The following RALYL variants were observed in gnomAD, a reference collection of about 807,000 sequenced individuals.
The protein encoded by RALYL is RALY RNA binding protein like.
Under a neutral mutation model 35.1 loss-of-function variants are expected in RALYL, and 29 were observed. That is an observed-to-expected ratio of 0.83 (90% CI 0.61 to 1.13). The LOEUF (loss-of-function observed/expected upper bound fraction) is 1.13. Ranked by LOEUF, RALYL falls within the 50% of genes most tolerant of loss-of-function variation. The pLI, the probability that RALYL is intolerant of heterozygous loss-of-function variation, is 0.00. For missense variants in RALYL, 359 were observed against 360.4 expected, an observed-to-expected ratio of 1.00 and a Z score of 0.03; for synonymous variants, 120 against 127.6, an observed-to-expected ratio of 0.94 and a Z score of 0.40.
chr8:84,333,885 C>A (rs1234757687), intron 1 of RALYL, among the ~76,000 whole-genome samples: 1 of 151,582 alleles, frequency 6.6e-6, no homozygotes, highest in African/African-American at 2.4e-5. Flanking sequence ...CTTATTTTAA[C>A]TTGTTTTTTT....
At chr8:84,544,700 A>G (rs576644506) in intron 2 of RALYL, among the ~76,000 whole-genome samples, 7 of 152,078 alleles carry the variant, frequency 4.6e-5, no homozygotes, top group Non-Finnish European at 8.8e-5. Flanking sequence ...TAGTAAGAAC[A>G]TATTACATTT....
intron 1 of RALYL, among the ~76,000 whole-genome samples, chr8:84,343,912 C>T (rs759928470): frequency 2.7e-4 from 40 of 150,868 alleles, no homozygotes; most frequent in Admixed American, 3.3e-4. Flanking sequence ...CAATTGAAAA[C>T]GAAACAGAAA....
At chr8:84,396,833 T>C (rs1861850124) in intron 1 of RALYL, among the ~76,000 whole-genome samples, 1 of 152,190 alleles carries the variant, frequency 6.6e-6, no homozygotes, top group Non-Finnish European at 1.5e-5. Context: ...GTTTCTGTTT[T>C]ATAATCAAGG....
At chr8:84,773,691 A>G (rs980816015) in intron 2 of RALYL, among the ~76,000 whole-genome samples, 2 of 152,218 alleles carry the variant, frequency 1.3e-5, no homozygotes, top group African/African-American at 4.8e-5. Context: ...TTGGAATTCA[A>G]TAACTACATA....
intron 2 of RALYL, among the ~76,000 whole-genome samples, chr8:84,553,474 T>C (rs1222870616): frequency 6.6e-6 from 1 of 152,200 alleles, no homozygotes; most frequent in Non-Finnish European, 1.5e-5. Context: ...CTCTTCTTAT[T>C]GACAAGAGTT....
At chr8:84,361,989 T>C (rs1853139798) in intron 1 of RALYL, among the ~76,000 whole-genome samples, 1 of 152,106 alleles carries the variant, frequency 6.6e-6, no homozygotes, top group Admixed American at 6.6e-5. Flanking sequence ...CCCATAATAA[T>C]TCTTATTTTC....
chr8:84,873,076 C>T (rs955155797), intron 6 of RALYL: 3 of 410,452 alleles, frequency 7.3e-6, no homozygotes, highest in African/African-American at 2.0e-5. Context: ...ATTAAACGCT[C>T]ATGTCACTGA....
At chr8:84,491,427 A>G (rs1051485373) in intron 1 of RALYL, among the ~76,000 whole-genome samples, 2 of 152,030 alleles carry the variant, frequency 1.3e-5, no homozygotes, top group African/African-American at 4.8e-5. Flanking sequence ...GGTGGGGTAT[A>G]TTCTCTAGGT....
At chr8:84,344,736 C>A (rs1056020514) in intron 1 of RALYL, among the ~76,000 whole-genome samples, 2 of 152,036 alleles carry the variant, frequency 1.3e-5, no homozygotes, top group African/African-American at 4.8e-5. Flanking sequence ...CACCAATCTA[C>A]CCTCTGCTAC....
intron 1 of RALYL, among the ~76,000 whole-genome samples, chr8:84,516,153 G>A (rs888046784): frequency 3.4e-4 from 51 of 152,124 alleles, no homozygotes; most frequent in African/African-American, 1.2e-3. Flanking sequence ...TTAGATGGTT[G>A]TAAACACATT....
intron 1 of RALYL, among the ~76,000 whole-genome samples, chr8:84,481,909 TATCA>T (rs2054085036): frequency 6.6e-6 from 1 of 152,172 alleles, no homozygotes; most frequent in African/African-American, 2.4e-5. Context: ...TATATACAAT[TATCA>T]ACTCTCATAA....
intron 1 of RALYL, among the ~76,000 whole-genome samples, chr8:84,225,595 A>C (rs532783229): frequency 6.6e-6 from 1 of 152,302 alleles, no homozygotes; most frequent in South Asian, 2.1e-4. Context: ...TCTCTGCATG[A>C]AATTTCTTTC....
chr8:84,906,933 C>G, intron 8 of RALYL: 1 of 984,916 alleles, frequency 1.0e-6, no homozygotes, highest in Non-Finnish European at 1.2e-6. Flanking sequence ...TTTAGAATGT[C>G]TCTGAATATG....
intron 1 of RALYL, among the ~76,000 whole-genome samples, chr8:84,436,542 A>AG (rs1350928937): frequency 4.8e-5 from 4 of 82,758 alleles, no homozygotes; most frequent in Non-Finnish European, 6.6e-5. Flanking sequence ...CAATCATGGG[A>AG]GTTTTTTTTT....
chr8:84,191,662 A>G (rs1813909850), intron 1 of RALYL, among the ~76,000 whole-genome samples: 1 of 152,224 alleles, frequency 6.6e-6, no homozygotes. Flanking sequence ...AGGGCCTTCC[A>G]GTTGTGCAAT....
chr8:84,221,305 A>G (rs929540584), intron 1 of RALYL, among the ~76,000 whole-genome samples: 16 of 150,378 alleles, frequency 1.1e-4, no homozygotes, highest in African/African-American at 2.0e-4. Flanking sequence ...GTGTGTGTGC[A>G]TGTGCGTGCA....
At chr8:84,522,836 C>G (rs565336721) in intron 1 of RALYL, among the ~76,000 whole-genome samples, 34 of 152,196 alleles carry the variant, frequency 2.2e-4, no homozygotes, top group African/African-American at 7.9e-4. Flanking sequence ...ATTAATATTG[C>G]TGGTGGACTC....
intron 1 of RALYL, among the ~76,000 whole-genome samples, chr8:84,309,902 T>C (rs1408328018): frequency 6.6e-6 from 1 of 152,060 alleles, no homozygotes; most frequent in African/African-American, 2.4e-5. Context: ...TTTCTGTATT[T>C]TTAGTAGAGA....
At chr8:84,577,999 T>G (rs1809876108) in intron 2 of RALYL, among the ~76,000 whole-genome samples, 1 of 152,084 alleles carries the variant, frequency 6.6e-6, no homozygotes, top group African/African-American at 2.4e-5. Context: ...TTTGCCTGAG[T>G]TTTTGCTTCG....
Sources: gnomAD v4.1 joint callset for allele counts (sites outside exome capture counted in the v4.1 genomes callset) on GRCh38, gnomAD v4.1.1 for gene constraint, MANE v1.5 for transcripts, NCBI Gene and HGNC (gene_info 2026-07-23, HGNC 2026-07-21) for gene names.